The following KALRN variants were observed in gnomAD, a reference collection of about 807,000 sequenced individuals.
KALRN encodes the protein kalirin RhoGEF kinase, also known as kalirin.
KALRN carries 70 observed loss-of-function variants against 353.7 expected under a neutral mutation model. That is an observed-to-expected ratio of 0.20 (90% CI 0.16 to 0.24). The LOEUF (loss-of-function observed/expected upper bound fraction) is 0.24. Among genes scored for constraint, KALRN ranks in the 10% least tolerant of loss-of-function variants. The probability of loss-of-function intolerance (pLI) is 1.00; values close to 1 mark genes in which losing one functional copy is unlikely to be tolerated. For synonymous variants in KALRN, 1,391 were observed against 1,434.8 expected (o/e 0.97, Z 0.69); for missense variants, 2,791 against 3,756.7 (o/e 0.74, Z 6.72).
chr3:124,410,003 A>G (rs1352160916), intron 13 of KALRN, among the ~76,000 whole-genome samples: 1 of 152,126 alleles, frequency 6.6e-6, no homozygotes, highest in Non-Finnish European at 1.5e-5. Context: ...AGGCTTCATA[A>G]CAGACCTGGG....
At chr3:124,637,965 G>A (rs1187621079) in intron 37 of KALRN, among the ~76,000 whole-genome samples, 1 of 152,110 alleles carries the variant, frequency 6.6e-6, no homozygotes, top group Non-Finnish European at 1.5e-5. Context: ...CTGGTGAAAG[G>A]GCCCCTTTTT....
Position 124,079,680 on chromosome 3 carries a change from C to A in KALRN, c.73+45867C>A, listed in dbSNP as rs1353575728. On this transcript the variant is annotated intron_variant, in intron 1 of 59. Transcript: ENST00000682506. The stretch of plus-strand genomic sequence containing the variant: ...ACATAGTTTTTCTTCTAATAAAACC[C>A]AACGTCTTTTTATATAAGTATTTTA... 2.6e-5 allele frequency among the ~76,000 whole-genome samples: 4 copies of A among 152,150 alleles called. 1 individual carries two copies. Among genetic ancestry groups the A allele is most frequent in the Non-Finnish European group, 5.9e-5 (4 of 68,032 alleles).
At chr3:124,587,340 G>C (rs2149323551) in intron 34 of KALRN, among the ~76,000 whole-genome samples, 1 of 152,350 alleles carries the variant, frequency 6.6e-6, no homozygotes, top group South Asian at 2.1e-4. Context: ...GCCCACTGCT[G>C]TGGTTCCCAA....
At chr3:124,607,090 C>A (rs1247185729) in intron 34 of KALRN, among the ~76,000 whole-genome samples, 1 of 152,224 alleles carries the variant, frequency 6.6e-6, no homozygotes, top group African/African-American at 2.4e-5. Flanking sequence ...TAAAGAAGGT[C>A]TCCATTTGTC....
At chr3:124,577,816 T>G (rs1385478804) in intron 34 of KALRN, among the ~76,000 whole-genome samples, 1 of 152,108 alleles carries the variant, frequency 6.6e-6, no homozygotes, top group Non-Finnish European at 1.5e-5. Flanking sequence ...GCTCTGATTA[T>G]GCCACTGCAC....
chr3:124,526,363 A>T (rs1309375868), intron 33 of KALRN, among the ~76,000 whole-genome samples: 1 of 152,172 alleles, frequency 6.6e-6, no homozygotes, highest in African/African-American at 2.4e-5. Context: ...ACTTGAGCCC[A>T]GGAGTTCGAG....
chr3:124,185,383 A>C (rs771063601), intron 1 of KALRN, among the ~76,000 whole-genome samples: 12 of 152,184 alleles, frequency 7.9e-5, no homozygotes, highest in Non-Finnish European at 1.6e-4. Context: ...CTTGGGCCCC[A>C]TGTTTATTCT....
intron 33 of KALRN, among the ~76,000 whole-genome samples, chr3:124,561,923 A>G (rs980381108): frequency 1.1e-4 from 17 of 152,342 alleles, no homozygotes; most frequent in African/African-American, 3.8e-4. Flanking sequence ...AAGCCAGAAG[A>G]AAGGGGGGAA....
intron 5 of KALRN, among the ~76,000 whole-genome samples, chr3:124,278,338 A>T (rs1432863798): frequency 6.6e-6 from 1 of 151,966 alleles, no homozygotes; most frequent in East Asian, 1.9e-4. Flanking sequence ...GTGTCTTAGT[A>T]TGTATGGGAG....
intron 1 of KALRN, among the ~76,000 whole-genome samples, chr3:124,066,290 G>C (rs954604725): frequency 6.6e-6 from 1 of 152,194 alleles, no homozygotes; most frequent in South Asian, 2.1e-4. Flanking sequence ...CTCAGCTTCT[G>C]TCTGGAAATT....
intron 34 of KALRN, among the ~76,000 whole-genome samples, chr3:124,612,334 G>A (rs990143876): frequency 6.6e-6 from 1 of 152,214 alleles, no homozygotes; most frequent in African/African-American, 2.4e-5. Context: ...CTCCCAAGTA[G>A]CTGGGATTAC....
chr3:124,257,299 A>G (rs1238140970), intron 3 of KALRN, among the ~76,000 whole-genome samples: 3 of 152,224 alleles, frequency 2.0e-5, no homozygotes, highest in African/African-American at 4.8e-5. Flanking sequence ...TTGGATCACT[A>G]TGGGGAGAAT....
intron 1 of KALRN, among the ~76,000 whole-genome samples, chr3:124,112,304 C>CAAAA (rs111307023): frequency 2.4e-5 from 3 of 125,874 alleles, no homozygotes; most frequent in Admixed American, 8.2e-5. Flanking sequence ...CTCCATCTCA[C>CAAAA]AAAAAAAAAA....
chr3:124,643,567 G>C (rs956392662), intron 37 of KALRN, among the ~76,000 whole-genome samples: 10 of 152,124 alleles, frequency 6.6e-5, no homozygotes, highest in Non-Finnish European at 1.0e-4. Context: ...CTGCAGCTTT[G>C]ATCTCCTGGG....
intron 21 of KALRN, among the ~76,000 whole-genome samples, chr3:124,452,222 C>T (rs1016056063): frequency 6.6e-6 from 1 of 152,152 alleles, no homozygotes; most frequent in Non-Finnish European, 1.5e-5. Context: ...TGCACTTATC[C>T]AATTCATGGG....
intron 18 of KALRN, 126 bp downstream of exon 18, chr3:124,439,163 T>G: frequency 5.0e-6 from 4 of 800,346 alleles, no homozygotes; most frequent in East Asian, 3.2e-5. Flanking sequence ...CTCTTTCTCT[T>G]TCTCCTCCTC....
In KALRN at chr3:124,411,975, G is replaced by A. The variant is rs79229082; in HGVS notation, c.2347-1495G>A. 6.5e-3 allele frequency among the ~76,000 whole-genome samples: 988 copies of A among 152,172 alleles called. 12 individuals carry two copies. Among genetic ancestry groups the A allele is most frequent in the African/African-American group, 0.022 (896 of 41,508 alleles). On this transcript the variant is annotated intron_variant, in intron 13 of 59. Coordinates refer to ENST00000682506, the MANE Select transcript of KALRN (RefSeq NM_001388419.1). Reference sequence around the variant, plus strand: ...TGAAAAGATGTGGGGTGTGAAGTGAGAACCTAGGGCAGTGAGAGTGATATT... The same window carrying A: ...TGAAAAGATGTGGGGTGTGAAGTGAAAACCTAGGGCAGTGAGAGTGATATT...
intron 1 of KALRN, among the ~76,000 whole-genome samples, chr3:124,220,611 C>T (rs550555387): frequency 1.1e-4 from 16 of 151,578 alleles, no homozygotes; most frequent in Non-Finnish European, 1.8e-4. Flanking sequence ...AGTGTCTTCT[C>T]CTAAGGGCTC....
intron 15 of KALRN, 134 bp from the exon 16 acceptor site, chr3:124,430,522 G>A: frequency 9.7e-7 from 1 of 1,034,916 alleles, no homozygotes; most frequent in Non-Finnish European, 1.4e-6. Context: ...TGATTATGGT[G>A]ACATTTGCTG....
Sources: allele counts gnomAD v4.1 joint callset (sites outside exome capture counted in the v4.1 genomes callset), GRCh38; gene constraint gnomAD v4.1.1; transcripts MANE v1.5; gene names NCBI Gene and HGNC (gene_info 2026-07-23, HGNC 2026-07-21).